Variants in ZP4 observed in about 807,000 individuals in gnomAD.
ZP4 encodes the protein zona pellucida glycoprotein 4.
Under a neutral mutation model 62.3 loss-of-function variants are expected in ZP4, and 62 were observed. That is an observed-to-expected ratio of 0.99 (90% CI 0.81 to 1.23). The LOEUF is 1.23. Among genes scored for constraint, ZP4 ranks in the 50% most tolerant of loss-of-function variants. The pLI, the probability that ZP4 is intolerant of heterozygous loss-of-function variation, is 0.00. For missense variants in ZP4, 774 were observed against 656.0 expected (o/e 1.18, Z -1.97); for synonymous variants, 289 against 247.3 (o/e 1.17, Z -1.58).
chr1:237,883,722 GGCGGGGGAGGGAGAGA>G (rs1664984865), intron 10 of ZP4, among the ~76,000 whole-genome samples: 3 of 59,754 alleles, frequency 5.0e-5, no homozygotes, highest in Non-Finnish European at 9.9e-5. Context: ...GGCGGGGGAG[GGCGGGGGAGGGAGAGA>G]GAGGGAGAGA....
chr1:237,885,405 G>A lies in ZP4; in HGVS notation c.1146C>T (p.Pro382=), dbSNP rs367851436. The change falls in exon 8 of 12, where the codon CCC becomes CCT. Residue 382 remains proline (P), a synonymous_variant. Transcript: ENST00000366570. ...STDPLSQPQW[P]ILVKGCPYIG... ...GAACCACTTACCCCTTTACCAGGAT[G>A]GGCCACTGTGGCTGACTCAGGGGGT... 6.2e-7 allele frequency: 1 copy of A among 1,611,746 alleles called. No homozygotes were observed. Among genetic ancestry groups the A allele is most frequent in the African/African-American group, 1.3e-5 (1 of 74,942 alleles).
At position 237,884,814 on chromosome 1, in the gene ZP4, G is replaced by A. The variant is rs541608710; in HGVS notation, c.1345C>T (p.Pro449Ser). ...HLHCSVSVCQPAETPSCVVTC... is the reference protein window; with the variant it reads ...HLHCSVSVCQSAETPSCVVTC... ...ACCACACAGGATGGTGTCTCAGCAG[G>A]CTGGCAGACTGACACGCTGCAGTGC... is the stretch of plus-strand genomic sequence containing the variant. Residue 449 changes from proline to serine, a missense_variant, in exon 10 of 12, where the codon CCT becomes TCT. Coordinates refer to ENST00000366570, the MANE Select transcript of ZP4 (RefSeq NM_021186.5). 3.7e-6 allele frequency: 6 copies of A among 1,613,774 alleles called. No individual in the cohort carries two copies. The highest frequency in any genetic ancestry group is 2.7e-5 in the African/African-American group (2 of 75,036).
chr1:237,884,745 T>C lies in ZP4; in HGVS notation c.1390+24A>G, dbSNP rs1196128475. ...GGGACTCAAGATTCATTCAAATCTGTCCTCTAACAGCTTGGTTACTCACGA... is the reference window on the plus strand; with the variant it reads ...GGGACTCAAGATTCATTCAAATCTGCCCTCTAACAGCTTGGTTACTCACGA... On this transcript the variant is annotated intron_variant, in intron 10 of 11. Coordinates refer to ENST00000366570, the MANE Select transcript of ZP4 (RefSeq NM_021186.5). 9 of 1,607,630 alleles carry C rather than the reference T, an allele frequency of 5.6e-6. No homozygotes were observed. The Admixed American group carries it at 1.5e-4, about 27-fold the overall frequency.
At chr1:237,883,659 AGGGCCGGG>A (rs1558529954) in intron 10 of ZP4, among the ~76,000 whole-genome samples, 2 of 5,628 alleles carry the variant, frequency 3.6e-4, no homozygotes, top group Non-Finnish European at 6.8e-4. Flanking sequence ...AGGGCGGGGG[AGGGCCGGG>A]GGAGGGCGGG....
At chr1:237,887,922 G>C (rs888686808) in intron 4 of ZP4, among the ~76,000 whole-genome samples, 3 of 152,170 alleles carry the variant, frequency 2.0e-5, no homozygotes, top group African/African-American at 7.2e-5. Context: ...TGCAGCCTTT[G>C]CCACAATGGC....
chr1:237,886,953 C>G, intron 5 of ZP4, 85 bp from the exon 6 acceptor site: 1 of 1,169,712 alleles, frequency 8.5e-7, no homozygotes, highest in Non-Finnish European at 1.3e-6. Context: ...CTCAGCAATG[C>G]TACCCTGTTG....
chr1:237,883,999 CACACACACACACACACAA>C (rs1180392836), intron 10 of ZP4, among the ~76,000 whole-genome samples: 985 of 84,872 alleles, frequency 0.012, 35 homozygotes, highest in Middle Eastern at 0.024. Flanking sequence ...CACACACACA[CACACACACACACACACAA>C]ACACACACAC....
Position 237,882,470 on chromosome 1 carries a change from G to A in ZP4, c.1575C>T (p.Tyr525=), listed in dbSNP as rs1664939466. ...AACTCTTCTGTTTCTTGACAGCCAAGTAGGATACTAACAAGGCTCCAAGGA... is the reference window on the plus strand; with the variant it reads ...AACTCTTCTGTTTCTTGACAGCCAAATAGGATACTAACAAGGCTCCAAGGA... ...TLILGALLVS[Y]LAVKKQKSCP... Residue 525 remains tyrosine (Y), a synonymous_variant, in exon 12 of 12, where the codon TAC becomes TAT. Transcript: ENST00000366570. 4.3e-6 allele frequency: 7 copies of A among 1,610,198 alleles called. No individual in the cohort carries two copies. Among genetic ancestry groups the A allele is most frequent in the Non-Finnish European group, 5.9e-6 (7 of 1,179,172 alleles).
In ZP4 at chr1:237,890,723, C is replaced by T; in HGVS notation, c.-88G>A. ...CTGCCTGCCCAGATTCCTTTATATA[C>T]AGAAGTCAGGCTTGTTTTCAGCTGC... On this transcript the variant is annotated 5_prime_UTR_variant, in exon 1 of 12. Coordinates refer to ENST00000366570, the MANE Select transcript of ZP4 (RefSeq NM_021186.5). 1 of 1,449,540 alleles carries T rather than the reference C, an allele frequency of 6.9e-7. No homozygotes were observed. The highest frequency in any genetic ancestry group is 9.3e-7 in the Non-Finnish European group (1 of 1,080,476). 89.8% of individuals were successfully genotyped at this position (1,449,540 alleles called of 1,614,324 possible). A position where few individuals can be genotyped will look rare whatever the true frequency, so the allele number is the denominator to read the frequency against.
chr1:237,886,645 A>G (rs1571933383), intron 6 of ZP4, 126 bp downstream of exon 6: 1 of 725,714 alleles, frequency 1.4e-6, no homozygotes. Context: ...GGGCAGTGCA[A>G]TTGGTGAACC....
At position 237,883,979 on chromosome 1, in the gene ZP4, C is replaced by CAA. The variant is rs1665012608; in HGVS notation, c.1390+789_1390+790insTT. On this transcript the variant is annotated intron_variant, in intron 10 of 11. Coordinates refer to ENST00000366570, the MANE Select transcript of ZP4 (RefSeq NM_021186.5). ...GGTCACACACACAAACACACACACA[C>CAA]ACAAACACACACACACACACACACA... is the stretch of plus-strand genomic sequence containing the variant. 2.2e-4 allele frequency among the ~76,000 whole-genome samples: 9 copies of CAA among 40,172 alleles called. No individual in the cohort carries two copies. In the South Asian group the frequency reaches 0.01, roughly 45 times the overall value. The allele number at this position is 40,172 out of a possible 152,430, so 26.4% of individuals were successfully genotyped here. A position where few individuals can be genotyped will look rare whatever the true frequency, so the allele number is the denominator to read the frequency against.
rs510546 is a variant in ZP4, at chr1:237,886,743, T to C, written c.839+28A>G. The C allele has an allele frequency of 0.032, 51,253 of 1,596,742 alleles. 6,489 individuals are homozygous for C. In the African/African-American group the frequency reaches 0.4, roughly 13 times the overall value. ...CTGAGAATGCCCACCTTATGGCAGATGGGAAGTCATTCTGGCCAAGCCCTT... is the reference window on the plus strand; with the variant it reads ...CTGAGAATGCCCACCTTATGGCAGACGGGAAGTCATTCTGGCCAAGCCCTT... On this transcript the variant is annotated intron_variant, in intron 6 of 11. Transcript: ENST00000366570.
In ZP4 at chr1:237,882,822, G is replaced by T. The variant is rs372038550; in HGVS notation, c.1415C>A (p.Ser472Tyr). The change falls in exon 11 of 12, where the codon TCT becomes TAT. Residue 472 changes from serine (S) to tyrosine (Y), a missense_variant. Transcript: ENST00000366570. The part of the protein sequence containing the change: ...LSRRRNFDNS[S>Y]QNTTASVSSK... ...AGAAACACTAGCAGTAGTGTTCTGAGAACTGTTGTCAAAATTTCTTCTTCC... is the reference window on the plus strand; with the variant it reads ...AGAAACACTAGCAGTAGTGTTCTGATAACTGTTGTCAAAATTTCTTCTTCC... 120 of 1,613,886 alleles carry T rather than the reference G, an allele frequency of 7.4e-5. No homozygotes were observed. The South Asian group carries it at 1.3e-3, about 17-fold the overall frequency.
chr1:237,885,470 C>T lies in ZP4; in HGVS notation c.1081G>A (p.Gly361Arg), dbSNP rs1665077639. Reference sequence around the variant, plus strand: ...GCCCAACACTGTTGTAGGAGCAGCCCCAGGTAGGGGTCTGTTCTGTGAAGG... The same window carrying T: ...GCCCAACACTGTTGTAGGAGCAGCCTCAGGTAGGGGTCTGTTCTGTGAAGG... ...SILHRTDPYL[G>R]LLLQQCWATP... The change falls in exon 8 of 12, where the codon GGG (glycine) becomes AGG (arginine). Residue 361 changes from glycine to arginine, a missense_variant. Transcript: ENST00000366570. 2 of 1,613,914 alleles carry T rather than the reference C, an allele frequency of 1.2e-6. No homozygotes were observed. Among genetic ancestry groups the T allele is most frequent in the African/African-American group, 1.3e-5 (1 of 74,864 alleles).
In ZP4 at chr1:237,888,369, T is replaced by C; in HGVS notation, c.542A>G (p.Tyr181Cys). ...YSSEEVNSCY[Y>C]GNTVTLHCTR... The stretch of plus-strand genomic sequence containing the variant: ...GCTCACTTACTCACCAGTGTTTCCA[T>C]AGTAGCAGGAATTCACCTCTTCAGA... The change falls in exon 4 of 12, where the codon TAT becomes TGT. Residue 181 changes from tyrosine to cysteine, a missense_variant. Transcript: ENST00000366570. 1.3e-6 allele frequency: 2 copies of C among 1,584,090 alleles called. No homozygotes were observed. Among genetic ancestry groups the C allele is most frequent in the Middle Eastern group, 1.7e-4 (1 of 5,880 alleles).
rs370699655 is a variant in ZP4 at position 237,890,528 on chromosome 1, C to A, written c.108G>T (p.Pro36=). 6.8e-6 allele frequency: 11 copies of A among 1,613,968 alleles called. No individual in the cohort carries two copies. The African/African-American group carries it at 1.5e-4, about 22-fold the overall frequency. The change falls in exon 1 of 12, where the codon CCG becomes CCT. Residue 36 remains proline (P), a synonymous_variant. Coordinates refer to ENST00000366570, the MANE Select transcript of ZP4 (RefSeq NM_021186.5). Reference sequence around the variant, plus strand: ...GGTTTACAGCAAACTGGAAGCTCCACGGCCCACAGTGGAGCACACTGGAAT... The same window carrying A: ...GGTTTACAGCAAACTGGAAGCTCCAAGGCCCACAGTGGAGCACACTGGAAT... ...PDYSSVLHCG[P]WSFQFAVNLN...
In ZP4 at chr1:237,887,427, G is replaced by C; in HGVS notation, c.688C>G (p.Gln230Glu). ...GGAAACTGGAACAGAACAAAAGCTT[G>C]TGTTGCCATCACAGGGTTACACGCA... ...DSACNPVMAT[Q>E]AFVLFQFPFT... Residue 230 changes from glutamine to glutamate, a missense_variant, in exon 5 of 12, where the codon CAA becomes GAA. Gln to Glu is a conservative substitution (Grantham distance 29, BLOSUM62 2). Transcript: ENST00000366570. 2.5e-6 allele frequency: 4 copies of C among 1,614,240 alleles called. No individual in the cohort carries two copies. The highest frequency in any genetic ancestry group is 3.4e-6 in the Non-Finnish European group (4 of 1,180,042).
In ZP4 at chr1:237,884,000, AC is replaced by A. The variant is rs1558530869; in HGVS notation, c.1390+768del. On this transcript the variant is annotated intron_variant, in intron 10 of 11. Coordinates refer to ENST00000366570, the MANE Select transcript of ZP4 (RefSeq NM_021186.5). ...CACACACAAACACACACACACACAC[AC>A]ACACACACACACACAAACACACACA... 3.3e-3 allele frequency among the ~76,000 whole-genome samples: 283 copies of A among 84,916 alleles called. 4 individuals are homozygous for A. Among genetic ancestry groups the A allele is most frequent in the African/African-American group, 0.012 (229 of 19,874 alleles). The allele number at this position is 84,916 out of a possible 152,430, so 55.7% of individuals were successfully genotyped here.
Position 237,890,291 on chromosome 1 carries a change from G to A in ZP4, c.176-115C>T, listed in dbSNP as rs944969263. On this transcript the variant is annotated intron_variant, in intron 1 of 11. Transcript: ENST00000366570. ...CAACTGTCAATAAGAGGAACAAGAG[G>A]GAAATCAGATTCAGATCAGATGTAG... The A allele has an allele frequency of 5.2e-6, 8 of 1,548,122 alleles. No homozygotes were observed. In the African/African-American group the frequency reaches 9.5e-5, roughly 18 times the overall value.
Sources: allele counts gnomAD v4.1 joint callset (sites outside exome capture counted in the v4.1 genomes callset), GRCh38; gene constraint gnomAD v4.1.1; transcripts MANE v1.5; gene names NCBI Gene and HGNC (gene_info 2026-07-23, HGNC 2026-07-21).